The following KLHL32 variants were observed in gnomAD, a reference collection of about 807,000 sequenced individuals.
The protein encoded by KLHL32 is kelch like family member 32.
Under a neutral mutation model 64.8 loss-of-function variants are expected in KLHL32, and 35 were observed. That is an observed-to-expected ratio of 0.54 (90% confidence interval 0.41 to 0.72). The LOEUF (loss-of-function observed/expected upper bound fraction) is 0.72, where lower values mean the gene tolerates loss of function less well. Among genes scored for constraint, KLHL32 ranks in the 30% least tolerant of loss-of-function variants. KLHL32 has a pLI of 0.00. For synonymous variants in KLHL32, 259 were observed against 281.0 expected (o/e 0.92, Z 0.78); for missense variants, 589 against 768.5 (o/e 0.77, Z 2.76).
chr6:97,000,197 A>T (rs1778865331), intron 3 of KLHL32, among the ~76,000 whole-genome samples: 1 of 152,232 alleles, frequency 6.6e-6, no homozygotes. Context: ...AAAATTCAAC[A>T]AAGTGGTACT....
At chr6:97,111,030 T>G (rs1031872825) in intron 6 of KLHL32, among the ~76,000 whole-genome samples, 7 of 142,942 alleles carry the variant, frequency 4.9e-5, no homozygotes, top group African/African-American at 1.8e-4. Context: ...AGAAAAGTCT[T>G]GGGGGGGGGG....
intron 3 of KLHL32, among the ~76,000 whole-genome samples, chr6:97,011,861 G>A (rs1297894783): frequency 1.3e-5 from 2 of 152,174 alleles, no homozygotes; most frequent in Non-Finnish European, 2.9e-5. Flanking sequence ...GTAAACTGGC[G>A]TTTATTAAAA....
At chr6:96,932,926 C>T (rs984389323) in intron 1 of KLHL32, among the ~76,000 whole-genome samples, 1 of 152,142 alleles carries the variant, frequency 6.6e-6, no homozygotes, top group African/African-American at 2.4e-5. Context: ...TGTTAGCCAT[C>T]AGAAGCCTGC....
chr6:96,912,274 C>T, the KLHL32 span, among the ~76,000 whole-genome samples: 3 of 152,148 alleles, frequency 2.0e-5, no homozygotes, highest in Admixed American at 1.3e-4. Flanking sequence ...CCCTCTGCTG[C>T]CATACGGAGG....
chr6:97,056,096 CTTTTT>C (rs1193971196), intron 4 of KLHL32, among the ~76,000 whole-genome samples: 17 of 123,802 alleles, frequency 1.4e-4, no homozygotes, highest in Non-Finnish European at 2.4e-4. Flanking sequence ...CTTTTTTTTT[CTTTTT>C]TTTTCTTTTT....
chr6:96,928,326 A>G (rs183891050), intron 1 of KLHL32, among the ~76,000 whole-genome samples: 122 of 152,278 alleles, frequency 8.0e-4, no homozygotes, highest in African/African-American at 2.8e-3. Flanking sequence ...AATGTGGGTT[A>G]AGAGGATGAT....
intron 5 of KLHL32, among the ~76,000 whole-genome samples, chr6:97,077,330 G>T (rs1437774505): frequency 6.6e-6 from 1 of 151,710 alleles, no homozygotes. Flanking sequence ...TGTGACAAAA[G>T]AGTCTCAAAG....
At chr6:96,974,614 G>A (rs1775497826) in intron 2 of KLHL32, among the ~76,000 whole-genome samples, 1 of 152,130 alleles carries the variant, frequency 6.6e-6, no homozygotes, top group Non-Finnish European at 1.5e-5. Flanking sequence ...CCATATTTCT[G>A]ACATTCTGAT....
intron 5 of KLHL32, among the ~76,000 whole-genome samples, chr6:97,074,733 T>C (rs752972041): frequency 4.6e-5 from 7 of 151,926 alleles, no homozygotes; most frequent in Non-Finnish European, 8.8e-5. Context: ...GGGAAATAGA[T>C]GATAATGACT....
At chr6:97,031,918 A>G (rs1783613137) in intron 3 of KLHL32, among the ~76,000 whole-genome samples, 1 of 151,396 alleles carries the variant, frequency 6.6e-6, no homozygotes, top group Non-Finnish European at 1.5e-5. Context: ...CAGTAAGACC[A>G]TCAACCTGGA....
chr6:96,927,007 G>GT (rs993411627), intron 1 of KLHL32, among the ~76,000 whole-genome samples: 1 of 152,108 alleles, frequency 6.6e-6, no homozygotes. Flanking sequence ...TGAGTGATCA[G>GT]TTTTTTATTT....
intron 1 of KLHL32, among the ~76,000 whole-genome samples, chr6:96,953,745 A>G (rs1428646842): frequency 6.6e-6 from 1 of 151,804 alleles, no homozygotes; most frequent in Non-Finnish European, 1.5e-5. Context: ...CTTTGGTTGG[A>G]TCATTATTTC....
intron 3 of KLHL32, among the ~76,000 whole-genome samples, chr6:97,040,749 G>A (rs1268797904): frequency 6.6e-6 from 1 of 152,184 alleles, no homozygotes; most frequent in Non-Finnish European, 1.5e-5. Flanking sequence ...GAGACCAGAT[G>A]GAGGGTAATT....
intron 6 of KLHL32, among the ~76,000 whole-genome samples, chr6:97,094,125 T>C (rs77873101): frequency 0.011 from 1,627 of 152,302 alleles, 25 homozygotes; most frequent in African/African-American, 0.037. Flanking sequence ...TTTCTTGAAA[T>C]TGATAAATGT....
At chr6:97,105,441 A>T (rs557748775) in intron 6 of KLHL32, 1 of 471,010 alleles carries the variant, frequency 2.1e-6, no homozygotes, top group Non-Finnish European at 4.4e-6. Context: ...CTGAATTTGC[A>T]GAAGTGTGGA....
intron 3 of KLHL32, among the ~76,000 whole-genome samples, chr6:97,009,019 G>A (rs1780024557): frequency 6.6e-6 from 1 of 152,018 alleles, no homozygotes; most frequent in East Asian, 1.9e-4. Flanking sequence ...TTCTGGCTGT[G>A]TATATCCTTG....
intron 5 of KLHL32, among the ~76,000 whole-genome samples, chr6:97,073,303 C>T (rs569943194): frequency 6.6e-6 from 1 of 152,266 alleles, no homozygotes; most frequent in Non-Finnish European, 1.5e-5. Flanking sequence ...TTTGATTTTG[C>T]TGAAATGCAT....
At chr6:97,069,143 G>T (rs1468664205) in intron 5 of KLHL32, among the ~76,000 whole-genome samples, 1 of 152,152 alleles carries the variant, frequency 6.6e-6, no homozygotes, top group Non-Finnish European at 1.5e-5. Context: ...ATCGAGTAAA[G>T]CAAAGCCCAA....
chr6:96,920,492 T>A (rs1047467255), upstream of KLHL32, among the ~76,000 whole-genome samples: 2 of 152,084 alleles, frequency 1.3e-5, no homozygotes, highest in African/African-American at 4.8e-5. Flanking sequence ...AGCACCTTGA[T>A]GTGTATGGCA....
Sources: allele counts gnomAD v4.1 joint callset (sites outside exome capture counted in the v4.1 genomes callset), GRCh38; gene constraint gnomAD v4.1.1; transcripts MANE v1.5; gene names NCBI Gene and HGNC (gene_info 2026-07-23, HGNC 2026-07-21).